The following STX18 variants were observed in gnomAD, a reference collection of about 807,000 sequenced individuals.
STX18 encodes the protein syntaxin 18, also known as syntaxin-18.
Under a neutral mutation model 50.1 loss-of-function variants are expected in STX18, and 40 were observed. That is an observed-to-expected ratio of 0.80 (90% CI 0.62 to 1.04). STX18 has a LOEUF of 1.04. STX18 is among the 50% of genes least tolerant of loss of function. The pLI is 0.00. For missense variants in STX18, 410 were observed against 415.8 expected (o/e 0.99, Z 0.12); for synonymous variants, 158 against 151.8 (o/e 1.04, Z -0.30).
intron 2 of STX18, among the ~76,000 whole-genome samples, chr4:4,463,451 C>T (rs950393480): frequency 2.6e-5 from 4 of 152,112 alleles, no homozygotes; most frequent in Non-Finnish European, 5.9e-5. Context: ...ATTTGCTGAC[C>T]TGTAGCATTA....
intron 1 of STX18, among the ~76,000 whole-genome samples, chr4:4,529,574 G>A (rs954614859): frequency 1.3e-5 from 2 of 151,946 alleles, no homozygotes; most frequent in African/African-American, 4.9e-5. Flanking sequence ...GTGGAGCACA[G>A]TTCCCAGCCT....
rs954550849 is a variant in STX18, at chr4:4,512,336, TA to T, written c.168+29460del. On this transcript the variant is annotated intron_variant, in intron 1 of 10. Coordinates refer to ENST00000306200, the MANE Select transcript of STX18 (RefSeq NM_016930.4). ...AATAATTCTTTTTCCTAATTCCAAT[TA>T]AAAAAAAAAATCTTAGGAAAGGATT... Among the ~76,000 whole-genome samples the T allele has an allele frequency of 9.9e-3, 1,458 of 148,010 alleles. 19 individuals are homozygous for T. Among genetic ancestry groups the T allele is most frequent in the African/African-American group, 0.033 (1,318 of 40,530 alleles).
chr4:4,497,077 G>A (rs1439049688), intron 1 of STX18, among the ~76,000 whole-genome samples: 6 of 152,172 alleles, frequency 3.9e-5, no homozygotes, highest in South Asian at 2.1e-4. Context: ...TGATGGCTCC[G>A]AATCTAGGCC....
intron 2 of STX18, among the ~76,000 whole-genome samples, chr4:4,462,754 G>A (rs1727446249): frequency 6.6e-6 from 1 of 152,048 alleles, no homozygotes; most frequent in African/African-American, 2.4e-5. Context: ...AATGAAGAAT[G>A]CCTCGGGGAC....
In STX18 at chr4:4,419,904, G is replaced by T; in HGVS notation, c.*130C>A. On this transcript the variant is annotated 3_prime_UTR_variant, in exon 11 of 11. Coordinates refer to ENST00000306200, the MANE Select transcript of STX18 (RefSeq NM_016930.4). ...TTTTGGGGAATACGTCTGTCTGTCT[G>T]AACTCCTTTCCCTTCAAATGGCACT... The T allele has an allele frequency of 1.3e-6, 1 of 759,748 alleles. No individual in the cohort carries two copies. The highest frequency in any genetic ancestry group is 2.2e-6 in the Non-Finnish European group (1 of 462,812). The allele number at this position is 759,748 out of a possible 1,614,324, so 47.1% of individuals were successfully genotyped here.
At chr4:4,484,397 A>G (rs1728610257) in intron 1 of STX18, among the ~76,000 whole-genome samples, 1 of 152,202 alleles carries the variant, frequency 6.6e-6, no homozygotes, top group Admixed American at 6.5e-5. Flanking sequence ...CACTGAGTCG[A>G]GCTGAATTTA....
intron 1 of STX18, among the ~76,000 whole-genome samples, chr4:4,525,811 C>T (rs1477528091): frequency 6.6e-6 from 1 of 152,068 alleles, no homozygotes; most frequent in Admixed American, 6.6e-5. Context: ...CAAGGGATGT[C>T]ACAAGCCATA....
intron 3 of STX18, 76 bp from the exon 4 acceptor site, chr4:4,457,576 C>T (rs1410414205): frequency 1.8e-5 from 19 of 1,083,780 alleles, no homozygotes; most frequent in Non-Finnish European, 2.4e-5. Context: ...TTCCTCACAA[C>T]ACTTTCTTTA....
chr4:4,531,842 T>C (rs1218489371), intron 1 of STX18, among the ~76,000 whole-genome samples: 3 of 152,216 alleles, frequency 2.0e-5, no homozygotes, highest in African/African-American at 7.2e-5. Context: ...TTTTTTACAT[T>C]TGAGAAAAGA....
rs1725067943 is a variant in STX18 at position 4,423,397 on chromosome 4, G to C, written c.831+121C>G. Reference sequence around the variant, plus strand: ...GAGCTCTGCGCACACACACCTGCTAGCAACACATGGCTCTGCTCCTGGCTG... The same window carrying C: ...GAGCTCTGCGCACACACACCTGCTACCAACACATGGCTCTGCTCCTGGCTG... On this transcript the variant is annotated intron_variant, in intron 9 of 10. Coordinates refer to ENST00000306200, the MANE Select transcript of STX18 (RefSeq NM_016930.4). 5 of 931,648 alleles carry C rather than the reference G, an allele frequency of 5.4e-6. No homozygotes were observed. The South Asian group carries it at 6.9e-5, about 13-fold the overall frequency. The allele number at this position is 931,648 out of a possible 1,614,324, so 57.7% of individuals were successfully genotyped here.
intron 1 of STX18, among the ~76,000 whole-genome samples, chr4:4,489,391 A>AGTGTTTTTTTTTTTTTTTTT (rs1728839648): frequency 1.9e-5 from 1 of 51,600 alleles, no homozygotes; most frequent in Non-Finnish European, 3.8e-5. Flanking sequence ...ATGCAAAATA[A>AGTGTTTTTTTTTTTTTTTTT]TTTTTTTTTT....
At chr4:4,520,235 G>A (rs1050528620) in intron 1 of STX18, among the ~76,000 whole-genome samples, 1 of 152,086 alleles carries the variant, frequency 6.6e-6, no homozygotes, top group Non-Finnish European at 1.5e-5. Context: ...TTTGCATATA[G>A]CTCAAAGATC....
Position 4,420,444 on chromosome 4 carries a change from T to C in STX18, c.913-315A>G, listed in dbSNP as rs1176074383. 2.4e-6 allele frequency: 1 copy of C among 419,156 alleles called. No homozygotes were observed. The highest frequency in any genetic ancestry group is 4.4e-6 in the Non-Finnish European group (1 of 228,814). The allele number at this position is 419,156 out of a possible 1,614,324, so 26.0% of individuals were successfully genotyped here. A position where few individuals can be genotyped will look rare whatever the true frequency, so the allele number is the denominator to read the frequency against. The stretch of plus-strand genomic sequence containing the variant: ...GCAAGCTTTGTGTTTCCCAGTAACA[T>C]GATGTCCGTGGTGACCCAACCCTGA... On this transcript the variant is annotated intron_variant, in intron 10 of 10. Transcript: ENST00000306200. The surrounding 1 kb of genome is among the most constrained non-coding windows in gnomAD (Gnocchi z 4.3).
chr4:4,541,800 T>C lies in STX18; in HGVS notation c.165A>G (p.Glu55=), dbSNP rs777744064. The C allele has an allele frequency of 6.2e-7, 1 of 1,607,522 alleles. No homozygotes were observed. Among genetic ancestry groups the C allele is most frequent in the East Asian group, 2.2e-5 (1 of 44,638 alleles). ...GTTTCCATAGCAACCAGCTCACCAC[T>C]TCGCGGGCCCGGCTGGAGAAGTCGC... ...PKGDFSSRAR[E]VISHIGKLRD... Residue 55 remains glutamate, a synonymous_variant, in exon 1 of 11, where the codon GAA becomes GAG. Coordinates refer to ENST00000306200, the MANE Select transcript of STX18 (RefSeq NM_016930.4).
chr4:4,451,836 G>A (rs186309900), intron 5 of STX18, among the ~76,000 whole-genome samples: 133 of 152,276 alleles, frequency 8.7e-4, no homozygotes, highest in Admixed American at 1.4e-3. Flanking sequence ...GCCTCTAAGT[G>A]TTCAAGTGAA....
Position 4,457,515 on chromosome 4 carries a change from G to T in STX18, c.353-15C>A, listed in dbSNP as rs760316108. 6.2e-7 allele frequency: 1 copy of T among 1,610,070 alleles called. No individual in the cohort carries two copies. Among genetic ancestry groups the T allele is most frequent in the Non-Finnish European group, 8.5e-7 (1 of 1,176,974 alleles). On this transcript the variant is annotated splice_polypyrimidine_tract_variant and intron_variant, in intron 3 of 10. Transcript: ENST00000306200. ...CTCCTTGTGAGCTGTAACAGAAAAA[G>T]ACAATGTTCAGGCCTTCGCACTCAA...
At chr4:4,514,908 A>C (rs943765821) in intron 1 of STX18, among the ~76,000 whole-genome samples, 3 of 152,200 alleles carry the variant, frequency 2.0e-5, no homozygotes, top group Admixed American at 2.0e-4. Context: ...GATCCTAAGA[A>C]GCATACAATG....
Position 4,459,570 on chromosome 4 carries a change from C to T in STX18, c.237-83G>A, listed in dbSNP as rs917287562. Reference sequence around the variant, plus strand: ...GTGGGATGGGAAGAGAAGAAAAGGCCTCCCTGATCAGGTGACATTTAAGCT... The same window carrying T: ...GTGGGATGGGAAGAGAAGAAAAGGCTTCCCTGATCAGGTGACATTTAAGCT... On this transcript the variant is annotated intron_variant, in intron 2 of 10. Coordinates refer to ENST00000306200, the MANE Select transcript of STX18 (RefSeq NM_016930.4). 9.2e-5 allele frequency: 90 copies of T among 973,950 alleles called. 1 individual carries two copies. The Admixed American group carries it at 1.6e-3, about 18-fold the overall frequency. The allele number at this position is 973,950 out of a possible 1,614,324, so 60.3% of individuals were successfully genotyped here.
At position 4,507,530 on chromosome 4, in the gene STX18, C is replaced by T. The variant is rs578238503; in HGVS notation, c.168+34267G>A. ...CCTAAGCCAATTCGAAAAAGCCGCACAAAAAATAAGCAAAAGCGTCCCAGG... is the reference window on the plus strand; with the variant it reads ...CCTAAGCCAATTCGAAAAAGCCGCATAAAAAATAAGCAAAAGCGTCCCAGG... On this transcript the variant is annotated intron_variant, in intron 1 of 10. Coordinates refer to ENST00000306200, the MANE Select transcript of STX18 (RefSeq NM_016930.4). 3.6e-4 allele frequency: 275 copies of T among 769,650 alleles called. 4 individuals are homozygous for T. The highest frequency in any genetic ancestry group is 3.5e-3 in the South Asian group (259 of 74,354). 47.7% of individuals were successfully genotyped at this position (769,650 alleles called of 1,614,324 possible).
Sources: gnomAD v4.1 joint callset for allele counts (sites outside exome capture counted in the v4.1 genomes callset) on GRCh38, gnomAD v4.1.1 for gene constraint, Gnocchi (gnomAD v3.1) non-coding constraint, MANE v1.5 for transcripts, NCBI Gene and HGNC (gene_info 2026-07-23, HGNC 2026-07-21) for gene names.